PRKAG2: variants seen among roughly 807,000 people sequenced by gnomAD.
PRKAG2 encodes the protein protein kinase AMP-activated non-catalytic subunit gamma 2.
A neutral mutation model predicts 69.6 loss-of-function variants in PRKAG2; 26 were observed. The observed-to-expected ratio is 0.37, with a 90% CI of 0.27 to 0.52. The LOEUF is 0.52. Ranked by LOEUF, PRKAG2 falls within the 20% of genes least tolerant of loss-of-function variation. The pLI, the probability that PRKAG2 is intolerant of heterozygous loss-of-function variation, is 0.90. For missense variants in PRKAG2, 557 were observed against 740.0 expected (o/e 0.75, Z 2.87); for synonymous variants, 293 against 285.0 (o/e 1.03, Z -0.28).
chr7:151,698,471 G>C (rs976318891), intron 3 of PRKAG2, among the ~76,000 whole-genome samples: 1 of 152,228 alleles, frequency 6.6e-6, no homozygotes, highest in Admixed American at 6.5e-5. Flanking sequence ...TCATGGGGGC[G>C]AATGTCGTGG....
chr7:151,776,101 G>A (rs569682793), intron 3 of PRKAG2, among the ~76,000 whole-genome samples: 12 of 152,272 alleles, frequency 7.9e-5, no homozygotes, highest in African/African-American at 1.9e-4. Context: ...CATAGGGCTC[G>A]GGGAGGGATG....
intron 1 of PRKAG2, among the ~76,000 whole-genome samples, chr7:151,832,777 C>T (rs1043532805): frequency 2.6e-5 from 4 of 152,254 alleles, no homozygotes; most frequent in East Asian, 1.9e-4. Context: ...ATCCTCAGAC[C>T]TTCCCTCCCT....
chr7:151,851,560 G>A (rs1002301978), intron 1 of PRKAG2, among the ~76,000 whole-genome samples: 6 of 152,076 alleles, frequency 3.9e-5, no homozygotes, highest in Admixed American at 1.3e-4. Context: ...CTCCAGAGTC[G>A]GCTACAGATG....
chr7:151,876,751 G>T lies in PRKAG2; in HGVS notation c.-131C>A, dbSNP rs1025744717. On this transcript the variant is annotated 5_prime_UTR_variant, in exon 1 of 16. Coordinates refer to ENST00000287878, the MANE Select transcript of PRKAG2 (RefSeq NM_016203.4). ...CTGAAGCCACCTCGTGGGGACTTCC[G>T]CGGAGAGGGAGGGTGAGCAGGGAAC... 5.7e-6 allele frequency: 5 copies of T among 883,700 alleles called. No individual in the cohort carries two copies. The highest frequency in any genetic ancestry group is 9.1e-6 in the Non-Finnish European group (5 of 552,428). The allele number at this position is 883,700 out of a possible 1,614,324, so 54.7% of individuals were successfully genotyped here. A position where few individuals can be genotyped will look rare whatever the true frequency, so the allele number is the denominator to read the frequency against.
At chr7:151,692,152 C>A (rs533141979) in intron 3 of PRKAG2, among the ~76,000 whole-genome samples, 1 of 152,000 alleles carries the variant, frequency 6.6e-6, no homozygotes, top group African/African-American at 2.4e-5. Flanking sequence ...TGCGCCACAG[C>A]ACTACAGCCT....
At chr7:151,597,825 C>CCA (rs1310637275) in intron 5 of PRKAG2, among the ~76,000 whole-genome samples, 3 of 148,600 alleles carry the variant, frequency 2.0e-5, no homozygotes, top group Non-Finnish European at 3.0e-5. Context: ...AGGGAGCCCC[C>CCA]CCCCCCGCTC....
chr7:151,620,644 A>AT (rs896495091), intron 5 of PRKAG2, among the ~76,000 whole-genome samples: 2 of 151,740 alleles, frequency 1.3e-5, no homozygotes, highest in Admixed American at 6.6e-5. Context: ...TACCTGGCTA[A>AT]TTTTTTTTAT....
chr7:151,585,621 A>G (rs545183856), intron 6 of PRKAG2, among the ~76,000 whole-genome samples: 1 of 152,298 alleles, frequency 6.6e-6, no homozygotes, highest in South Asian at 2.1e-4. Context: ...GATCCTATGT[A>G]TAAATTTTGC....
intron 3 of PRKAG2, among the ~76,000 whole-genome samples, chr7:151,744,142 G>A (rs890414028): frequency 2.0e-5 from 3 of 152,186 alleles, no homozygotes; most frequent in East Asian, 1.9e-4. Context: ...ACACAATGGC[G>A]CTCCTGTGGC....
At chr7:151,631,878 G>A (rs1824532859) in intron 5 of PRKAG2, 191 bp downstream of exon 5, 4 of 523,298 alleles carry the variant, frequency 7.6e-6, no homozygotes, top group Admixed American at 2.8e-5. Flanking sequence ...GCGGACGCCC[G>A]GTACCCCGCA....
chr7:151,597,041 T>TA (rs1225077756), intron 5 of PRKAG2, among the ~76,000 whole-genome samples: 1 of 152,124 alleles, frequency 6.6e-6, no homozygotes, highest in Non-Finnish European at 1.5e-5. Flanking sequence ...ACTACAAAGC[T>TA]ATAATAACCA....
intron 15 of PRKAG2, chr7:151,559,939 C>G: frequency 3.0e-6 from 3 of 985,402 alleles, no homozygotes; most frequent in Middle Eastern, 5.2e-4. Context: ...GCCAGCTCCT[C>G]TTGTCTAAAG....
intron 1 of PRKAG2, among the ~76,000 whole-genome samples, chr7:151,822,300 A>T (rs2078804089): frequency 6.6e-6 from 1 of 151,898 alleles, no homozygotes. Flanking sequence ...GGCCAGGGTC[A>T]AGGGCGGGGG....
At chr7:151,586,040 C>T (rs540516114) in intron 6 of PRKAG2, among the ~76,000 whole-genome samples, 105 of 152,324 alleles carry the variant, frequency 6.9e-4, no homozygotes, top group Non-Finnish European at 1.3e-3. Context: ...GGCTGAGGGC[C>T]GTCCCACTGC....
At chr7:151,570,073 G>A (rs1584963923) in intron 10 of PRKAG2, 98 bp downstream of exon 10, 1 of 1,410,458 alleles carries the variant, frequency 7.1e-7, no homozygotes, top group Middle Eastern at 1.9e-4. Flanking sequence ...GCCCTGTTTG[G>A]AATGAAGAAC....
At chr7:151,859,482 T>G (rs1207270475) in intron 1 of PRKAG2, among the ~76,000 whole-genome samples, 3 of 152,214 alleles carry the variant, frequency 2.0e-5, no homozygotes, top group Non-Finnish European at 4.4e-5. Flanking sequence ...AGCACATCTC[T>G]CCGTGTTCAC....
intron 10 of PRKAG2, among the ~76,000 whole-genome samples, chr7:151,569,702 A>G (rs1807098344): frequency 6.6e-6 from 1 of 152,256 alleles, no homozygotes. Context: ...CAGCCAAACC[A>G]GAAGGCTTGG....
chr7:151,761,115 G>C (rs890512940), intron 3 of PRKAG2, among the ~76,000 whole-genome samples: 1 of 152,230 alleles, frequency 6.6e-6, no homozygotes, highest in African/African-American at 2.4e-5. Context: ...TGACCTCCAA[G>C]TGTCCTTGGT....
chr7:151,580,284 T>C (rs1325284491), intron 6 of PRKAG2, among the ~76,000 whole-genome samples: 3 of 152,034 alleles, frequency 2.0e-5, no homozygotes, highest in Middle Eastern at 3.4e-3. Flanking sequence ...GAGGTGGAGG[T>C]TGCAATGAGC....
Sources: allele counts gnomAD v4.1 joint callset (sites outside exome capture counted in the v4.1 genomes callset), GRCh38; gene constraint gnomAD v4.1.1; transcripts MANE v1.5; gene names NCBI Gene and HGNC (gene_info 2026-07-23, HGNC 2026-07-21).